GALNT9: variants seen among roughly 807,000 people sequenced by gnomAD.
GALNT9 encodes the protein GalNAc transferase 9.
Under a neutral mutation model 63.1 loss-of-function variants are expected in GALNT9, and 47 were observed. That is an observed-to-expected ratio of 0.75 (90% CI 0.59 to 0.95). The LOEUF (loss-of-function observed/expected upper bound fraction) is 0.95. Among genes scored for constraint, GALNT9 ranks in the 40% least tolerant of loss-of-function variants. The pLI, the probability that GALNT9 is intolerant of heterozygous loss-of-function variation, is 0.00. For missense variants in GALNT9, 829 were observed against 874.8 expected (o/e 0.95, Z 0.66); for synonymous variants, 396 against 365.7 (o/e 1.08, Z -0.94).
intron 6 of GALNT9, among the ~76,000 whole-genome samples, chr12:132,204,432 T>C (rs2135506886): frequency 6.6e-6 from 1 of 152,100 alleles, no homozygotes; most frequent in South Asian, 2.1e-4. Context: ...TGGCCTCTGG[T>C]GGGAGCCGTG....
Position 132,302,640 on chromosome 12 carries a change from CCA to C in GALNT9, c.239-16212_239-16211del, listed in dbSNP as rs781926101. ...CCCCAGAGCTCATGCCCCATCATGC[CCA>C]CAGGTGAACAGGTGCCAGCCCAGGG... On this transcript the variant is annotated intron_variant, in intron 1 of 10. Transcript: ENST00000328957. Among the ~76,000 whole-genome samples the C allele has an allele frequency of 1.3e-4, 20 of 152,342 alleles. 1 individual carries two copies. In the South Asian group the frequency reaches 1.4e-3, roughly 11 times the overall value.
intron 1 of GALNT9, among the ~76,000 whole-genome samples, chr12:132,323,472 C>G (rs1320875141): frequency 6.6e-6 from 1 of 152,232 alleles, no homozygotes; most frequent in Non-Finnish European, 1.5e-5. Flanking sequence ...AGGCCACCCT[C>G]CGGGTTAAGG....
chr12:132,319,576 C>G lies in GALNT9; in HGVS notation c.238+9390G>C, dbSNP rs1290048356. 6.6e-6 allele frequency among the ~76,000 whole-genome samples: 1 copy of G among 152,198 alleles called. No homozygotes were observed. The highest frequency in any genetic ancestry group is 6.5e-5 in the Admixed American group (1 of 15,284). ...GGGAGCCAATCCTCACCCTACATCT[C>G]CTCTTGGGTCTCTCTCTATCCGCCG... On this transcript the variant is annotated intron_variant, in intron 1 of 10. Transcript: ENST00000328957. The surrounding 1 kb of genome is among the most constrained non-coding windows in gnomAD (Gnocchi z 5.2).
At chr12:132,229,425 C>T (rs1481757482) in intron 6 of GALNT9, among the ~76,000 whole-genome samples, 1 of 152,258 alleles carries the variant, frequency 6.6e-6, no homozygotes, top group African/African-American at 2.4e-5. Flanking sequence ...CCCTTTGACG[C>T]CCCACCCGTC....
chr12:132,258,223 C>T (rs1427677239), intron 4 of GALNT9, among the ~76,000 whole-genome samples: 1 of 152,172 alleles, frequency 6.6e-6, no homozygotes, highest in African/African-American at 2.4e-5. Flanking sequence ...CACGGGGCTC[C>T]CCAGCTCGGT....
At position 132,286,261 on chromosome 12, in the gene GALNT9, G is replaced by A. The variant is rs1555242164; in HGVS notation, c.408C>T (p.Tyr136=). Residue 136 remains tyrosine, a synonymous_variant, in exon 2 of 11, where the codon TAC becomes TAT. Transcript: ENST00000328957. This position sits in a 1 kb window ranked among gnomAD's most constrained non-coding sequence, Gnocchi z 7.4. Reference sequence around the variant, plus strand: ...AGTCACTCACTCACTTTCTGGGCCGGTAGTCGGGGATGCTCCGATCGAGGG... The same window carrying A: ...AGTCACTCACTCACTTTCTGGGCCGATAGTCGGGGATGCTCCGATCGAGGG... ...RISLDRSIPD[Y]RPRKCRQMSY... 6.5e-7 allele frequency: 1 copy of A among 1,550,328 alleles called. No individual in the cohort carries two copies. Among genetic ancestry groups the A allele is most frequent in the African/African-American group, 1.4e-5 (1 of 73,022 alleles).
chr12:132,297,273 T>C (rs73475814), intron 1 of GALNT9, among the ~76,000 whole-genome samples: 2,914 of 140,996 alleles, frequency 0.021, 112 homozygotes, highest in African/African-American at 0.075. Context: ...CCCAGGATAA[T>C]CAAGACACTG....
At chr12:132,301,159 TCA>T (rs1881280744) in intron 1 of GALNT9, among the ~76,000 whole-genome samples, 1 of 152,246 alleles carries the variant, frequency 6.6e-6, no homozygotes, top group South Asian at 2.1e-4. Context: ...CCACACTCCG[TCA>T]CAGTGCTCCG....
At position 132,315,907 on chromosome 12, in the gene GALNT9, G is replaced by T. The variant is rs1868486938; in HGVS notation, c.238+13059C>A. Among the ~76,000 whole-genome samples the T allele has an allele frequency of 6.6e-6, 1 of 152,192 alleles. No individual in the cohort carries two copies. The highest frequency in any genetic ancestry group is 2.4e-5 in the African/African-American group (1 of 41,436). ...TGGGCCCATTCCGAGATGCCAATGG[G>T]GACTTGGAGCATGAGAAAGCGGACA... On this transcript the variant is annotated intron_variant, in intron 1 of 10. Coordinates refer to ENST00000328957, the MANE Select transcript of GALNT9 (RefSeq NM_001122636.2). This position sits in a 1 kb window ranked among gnomAD's most constrained non-coding sequence, Gnocchi z 6.1.
At chr12:132,303,566 G>C (rs71470383) in intron 1 of GALNT9, among the ~76,000 whole-genome samples, 3,316 of 21,520 alleles carry the variant, frequency 0.15, 345 homozygotes, top group African/African-American at 0.29. Flanking sequence ...CCCAGACACA[G>C]CCTCGCCCGG....
intron 6 of GALNT9, chr12:132,240,819 A>C: frequency 2.7e-6 from 1 of 376,204 alleles, no homozygotes; most frequent in South Asian, 1.9e-5. Flanking sequence ...ACCCTTCCCA[A>C]GGCCGTCCCT....
At chr12:132,257,975 T>G (rs1456322117) in intron 4 of GALNT9, 89 bp from the exon 5 acceptor site, 1 of 886,952 alleles carries the variant, frequency 1.1e-6, no homozygotes, top group Non-Finnish European at 1.7e-6. Context: ...GGGAGGCCAG[T>G]CCCCACCTGG....
intron 1 of GALNT9, among the ~76,000 whole-genome samples, chr12:132,294,089 G>C (rs1467195876): frequency 6.6e-6 from 1 of 152,254 alleles, no homozygotes; most frequent in Non-Finnish European, 1.5e-5. Context: ...TGAATGATGT[G>C]GCTGACAGTA....
Position 132,245,758 on chromosome 12 carries a change from T to C in GALNT9, c.1077+2152A>G, listed in dbSNP as rs529993097. ...ACCCACGACCCAGCCTCCTGGGACC[T>C]CCTCTCACTGCAGCTGGGTTTGGCC... On this transcript the variant is annotated intron_variant, in intron 6 of 10. Coordinates refer to ENST00000328957, the MANE Select transcript of GALNT9 (RefSeq NM_001122636.2). The surrounding 1 kb of genome is among the most constrained non-coding windows in gnomAD (Gnocchi z 6.3). Among the ~76,000 whole-genome samples the C allele has an allele frequency of 6.6e-6, 1 of 152,318 alleles. No homozygotes were observed. Among genetic ancestry groups the C allele is most frequent in the South Asian group, 2.1e-4 (1 of 4,830 alleles).
chr12:132,259,154 A>G (rs1489663631), intron 4 of GALNT9, among the ~76,000 whole-genome samples: 1 of 152,250 alleles, frequency 6.6e-6, no homozygotes, highest in African/African-American at 2.4e-5. Context: ...CAGGTCTTCT[A>G]ATAAGGCAGA....
rs2135528815 is a variant in GALNT9 at position 132,238,623 on chromosome 12, G to C, written c.1077+9287C>G. On this transcript the variant is annotated intron_variant, in intron 6 of 10. Coordinates refer to ENST00000328957, the MANE Select transcript of GALNT9 (RefSeq NM_001122636.2). The surrounding 1 kb of genome is among the most constrained non-coding windows in gnomAD (Gnocchi z 6.5). ...TGCACCTGGGCCAGTGGAAGGCGAA[G>C]GTGGGCAGGCCTGAGTGTGAGTCTC... Among the ~76,000 whole-genome samples the C allele has an allele frequency of 6.6e-6, 1 of 152,266 alleles. No homozygotes were observed. Among genetic ancestry groups the C allele is most frequent in the African/African-American group, 2.4e-5 (1 of 41,548 alleles).
chr12:132,328,901 C>G (rs782528501), intron 1 of GALNT9, 65 bp downstream of exon 1: 8 of 1,423,784 alleles, frequency 5.6e-6, no homozygotes, highest in East Asian at 2.7e-5. Flanking sequence ...CCTGACCCAT[C>G]GCGCCCGGGG....
intron 6 of GALNT9, among the ~76,000 whole-genome samples, chr12:132,218,510 A>G (rs185458590): frequency 1.0e-3 from 158 of 152,302 alleles, no homozygotes; most frequent in African/African-American, 3.7e-3. Context: ...TTTAAAAAAG[A>G]TTTACAATCT....
In GALNT9 at chr12:132,319,100, C is replaced by T. The variant is rs1868660982; in HGVS notation, c.238+9866G>A. 6.6e-6 allele frequency among the ~76,000 whole-genome samples: 1 copy of T among 152,192 alleles called. No individual in the cohort carries two copies. The stretch of plus-strand genomic sequence containing the variant: ...GCCACCAAGCCTGCAGCGTGCGTGC[C>T]TTCATGTGAGGTGTGCTCCCCATGG... On this transcript the variant is annotated intron_variant, in intron 1 of 10. Transcript: ENST00000328957. The surrounding 1 kb of genome is among the most constrained non-coding windows in gnomAD (Gnocchi z 5.2).
Sources: allele counts gnomAD v4.1 joint callset (sites outside exome capture counted in the v4.1 genomes callset), GRCh38; gene constraint gnomAD v4.1.1; non-coding constraint Gnocchi (gnomAD v3.1); transcripts MANE v1.5; gene names NCBI Gene and HGNC (gene_info 2026-07-23, HGNC 2026-07-21).